GRIA4: variants seen among roughly 807,000 people sequenced by gnomAD.
GRIA4 encodes glutamate ionotropic receptor AMPA type subunit 4.
A neutral mutation model predicts 104.0 loss-of-function variants in GRIA4; 34 were observed. That is an observed-to-expected ratio of 0.33 (90% CI 0.25 to 0.44). The LOEUF (loss-of-function observed/expected upper bound fraction) is 0.44, where lower values mean the gene tolerates loss of function less well. Among genes scored for constraint, GRIA4 ranks in the 20% least tolerant of loss-of-function variants. The pLI, the probability that GRIA4 is intolerant of heterozygous loss-of-function variation, is 1.00. For missense variants in GRIA4, 750 were observed against 1,096.5 expected (o/e 0.68, Z 4.46); for synonymous variants, 386 against 381.9 (o/e 1.01, Z -0.13).
chr11:105,824,800 G>A (rs1943706444), intron 4 of GRIA4: 1 of 152,068 alleles, frequency 6.6e-6, no homozygotes. Flanking sequence ...AATCATCTGT[G>A]GGGTACATAA....
At chr11:105,755,083 T>C (rs1008992873) in intron 4 of GRIA4, among the ~76,000 whole-genome samples, 24 of 152,212 alleles carry the variant, frequency 1.6e-4, no homozygotes, top group Non-Finnish European at 5.9e-5. Flanking sequence ...TGGTATAATA[T>C]GCATATCCTG....
intron 5 of GRIA4, among the ~76,000 whole-genome samples, chr11:105,866,501 A>T (rs1945410980): frequency 6.8e-6 from 1 of 148,046 alleles, no homozygotes; most frequent in Non-Finnish European, 1.5e-5. Context: ...TATAATACAC[A>T]TACATATATA....
intron 3 of GRIA4, among the ~76,000 whole-genome samples, chr11:105,634,494 AAAGAAAGAAAGAAAGAAAG>A (rs1454900651): frequency 8.0e-4 from 55 of 69,016 alleles, no homozygotes; most frequent in African/African-American, 2.1e-3. Context: ...AGAAAGAAAG[AAAGAAAGAAAGAAAGAAAG>A]AAGAAAGAAA....
intron 14 of GRIA4, among the ~76,000 whole-genome samples, chr11:105,938,299 G>A (rs914608075): frequency 2.6e-5 from 4 of 152,080 alleles, no homozygotes; most frequent in Admixed American, 6.6e-5. Context: ...AGACGGTTTA[G>A]GAAAAAGCAG....
At chr11:105,900,953 AATAT>A (rs35052860) in intron 7 of GRIA4, among the ~76,000 whole-genome samples, 1 of 149,714 alleles carries the variant, frequency 6.7e-6, no homozygotes, top group South Asian at 2.1e-4. Context: ...AAGAACTAAA[AATAT>A]ATATATATAT....
intron 3 of GRIA4, among the ~76,000 whole-genome samples, chr11:105,678,872 A>C (rs1039121323): frequency 6.6e-6 from 1 of 152,128 alleles, no homozygotes; most frequent in African/African-American, 2.4e-5. Flanking sequence ...TTTCAGGATG[A>C]AGTGGTCATA....
intron 4 of GRIA4, among the ~76,000 whole-genome samples, chr11:105,759,814 T>G (rs761344252): frequency 2.6e-5 from 4 of 152,166 alleles, no homozygotes; most frequent in African/African-American, 4.8e-5. Context: ...AATCCCCTTC[T>G]GTGCATTCCC....
At chr11:105,919,869 T>C (rs529974980) in intron 11 of GRIA4, among the ~76,000 whole-genome samples, 1 of 152,304 alleles carries the variant, frequency 6.6e-6, no homozygotes, top group East Asian at 1.9e-4. Flanking sequence ...TGTAGTCTGA[T>C]TAATCCTCAC....
chr11:105,611,438 T>C (rs531897700), intron 2 of GRIA4, among the ~76,000 whole-genome samples: 2 of 152,038 alleles, frequency 1.3e-5, no homozygotes, highest in South Asian at 4.2e-4. Flanking sequence ...TAAAGTGATG[T>C]CGAGTTTGTT....
chr11:105,688,764 C>T (rs371327713), intron 3 of GRIA4, among the ~76,000 whole-genome samples: 1 of 151,944 alleles, frequency 6.6e-6, no homozygotes, highest in African/African-American at 2.4e-5. Context: ...TGTCTTACAC[C>T]CACCTGCTAT....
intron 14 of GRIA4, among the ~76,000 whole-genome samples, chr11:105,946,505 G>A (rs753762109): frequency 7.2e-5 from 11 of 152,116 alleles, no homozygotes; most frequent in Non-Finnish European, 1.6e-4. Context: ...AGGATTGCTC[G>A]AGCCTGGGAG....
At chr11:105,618,606 G>A (rs1950660663) in intron 3 of GRIA4, among the ~76,000 whole-genome samples, 1 of 152,012 alleles carries the variant, frequency 6.6e-6, no homozygotes, top group Admixed American at 6.6e-5. Context: ...TCTGAGTGGG[G>A]AGGGTGACTA....
At chr11:105,725,786 CA>C (rs1009076762) in intron 3 of GRIA4, among the ~76,000 whole-genome samples, 1 of 152,080 alleles carries the variant, frequency 6.6e-6, no homozygotes. Flanking sequence ...CCGGGAAGCA[CA>C]AGGGTCGGGC....
chr11:105,650,493 G>A (rs554609866), intron 3 of GRIA4, among the ~76,000 whole-genome samples: 142 of 151,632 alleles, frequency 9.4e-4, no homozygotes, highest in Middle Eastern at 3.4e-3. Context: ...ACAACCAAGA[G>A]TCTGAAAAAA....
At chr11:105,946,223 C>T (rs1433357936) in intron 14 of GRIA4, among the ~76,000 whole-genome samples, 8 of 152,064 alleles carry the variant, frequency 5.3e-5, no homozygotes. Context: ...ATTAGTATTT[C>T]CTGACTTTGG....
At chr11:105,839,020 C>T (rs1003972519) in intron 4 of GRIA4, among the ~76,000 whole-genome samples, 1 of 152,126 alleles carries the variant, frequency 6.6e-6, no homozygotes, top group Non-Finnish European at 1.5e-5. Flanking sequence ...CTTCATTGCC[C>T]TCCACCTGTT....
At chr11:105,903,558 A>C (rs1235314686) in intron 7 of GRIA4, among the ~76,000 whole-genome samples, 1 of 152,166 alleles carries the variant, frequency 6.6e-6, no homozygotes, top group African/African-American at 2.4e-5. Flanking sequence ...ATTGATGGAA[A>C]ACTGTTTTAT....
chr11:105,961,765 T>C (rs1948750016), intron 14 of GRIA4, among the ~76,000 whole-genome samples: 1 of 152,204 alleles, frequency 6.6e-6, no homozygotes, highest in African/African-American at 2.4e-5. Context: ...TCAATTAGTA[T>C]AACTAATGGA....
At chr11:105,649,644 TAAAAG>T (rs2135378521) in intron 3 of GRIA4, among the ~76,000 whole-genome samples, 1 of 152,234 alleles carries the variant, frequency 6.6e-6, no homozygotes, top group African/African-American at 2.4e-5. Context: ...TTTAAAAGGA[TAAAAG>T]TCAAACTTTA....
Sources: gnomAD v4.1 joint callset for allele counts (sites outside exome capture counted in the v4.1 genomes callset) on GRCh38, gnomAD v4.1.1 for gene constraint, MANE v1.5 for transcripts, NCBI Gene and HGNC (gene_info 2026-07-23, HGNC 2026-07-21) for gene names.